The following SLC5A6 variants were observed in gnomAD, a reference collection of about 807,000 sequenced individuals.
The protein encoded by SLC5A6 is sodium-dependent multivitamin transporter.
A neutral mutation model predicts 67.9 loss-of-function variants in SLC5A6; 31 were observed. The ratio of observed to expected loss-of-function variants is 0.46; its 90% CI spans 0.34 to 0.62. The LOEUF (loss-of-function observed/expected upper bound fraction) is 0.62. Among genes scored for constraint, SLC5A6 ranks in the 20% least tolerant of loss-of-function variants. The pLI, the probability that SLC5A6 is intolerant of heterozygous loss-of-function variation, is 0.01. For missense variants in SLC5A6, 673 were observed against 812.8 expected (o/e 0.83, Z 2.09); for synonymous variants, 343 against 331.0 (o/e 1.04, Z -0.39).
At chr2:27,212,392 T>C (rs915873588), upstream of SLC5A6, 6 of 1,550,718 alleles carry the variant, frequency 3.9e-6, no homozygotes, top group African/African-American at 5.5e-5. Flanking sequence ...ACCCGGGTAG[T>C]CTTACGACCC....
chr2:27,205,624 C>G (rs1674003748), intron 6 of SLC5A6, 120 bp from the exon 7 acceptor site: 11 of 1,245,252 alleles, frequency 8.8e-6, no homozygotes, highest in Non-Finnish European at 1.3e-5. Flanking sequence ...CTTTTTGCAG[C>G]CTGAAGCCAG....
At chr2:27,210,547 C>T (rs1191457639) in intron 2 of SLC5A6, among the ~76,000 whole-genome samples, 3 of 151,710 alleles carry the variant, frequency 2.0e-5, no homozygotes, top group Non-Finnish European at 4.4e-5. Context: ...TCTTCTGCCT[C>T]AGCCTCCTGA....
Position 27,204,951 on chromosome 2 carries a change from G to C in SLC5A6, c.735-20C>G, listed in dbSNP as rs1325219497. The C allele has an allele frequency of 1.2e-6, 2 of 1,610,376 alleles. No homozygotes were observed. Among genetic ancestry groups the C allele is most frequent in the Non-Finnish European group, 1.7e-6 (2 of 1,179,954 alleles). The stretch of plus-strand genomic sequence containing the variant: ...TCCAGCCTGTAACAGACACCACCCA[G>C]TCATTGTGCAAAGCCTGAGAGACAC... On this transcript the variant is annotated intron_variant, in intron 7 of 16. Transcript: ENST00000310574.
At position 27,202,101 on chromosome 2, in the gene SLC5A6, G is replaced by T. The variant is rs778749180; in HGVS notation, c.1276-27C>A. The T allele has an allele frequency of 1.7e-5, 26 of 1,550,848 alleles. No homozygotes were observed. The East Asian group carries it at 5.2e-4, about 31-fold the overall frequency. ...TAGGAGGACAGGGTGAGAAGAAAAG[G>T]AAAAAGAACACAGACTCAGAGATGC... On this transcript the variant is annotated intron_variant, in intron 12 of 16. Transcript: ENST00000310574.
rs756897395 is a variant in SLC5A6 at position 27,200,591 on chromosome 2, G to C, written c.1765-12C>G. The C allele has an allele frequency of 1.2e-6, 2 of 1,606,914 alleles. No homozygotes were observed. Among genetic ancestry groups the C allele is most frequent in the South Asian group, 2.2e-5 (2 of 90,202 alleles). On this transcript the variant is annotated splice_polypyrimidine_tract_variant and intron_variant, in intron 16 of 16. Transcript: ENST00000310574. Reference sequence around the variant, plus strand: ...GTGTCGAGGTGGTCCTGCAAACACAGAGCCAAAGGGGTGGAACTGGTGAAG... The same window carrying C: ...GTGTCGAGGTGGTCCTGCAAACACACAGCCAAAGGGGTGGAACTGGTGAAG...
chr2:27,201,893 C>A, intron 13 of SLC5A6, 46 bp from the exon 14 acceptor site: 1 of 1,610,234 alleles, frequency 6.2e-7, no homozygotes, highest in South Asian at 1.1e-5. Context: ...GTCCTGCCAG[C>A]CCTCACGGCA....
chr2:27,203,796 G>A lies in SLC5A6; in HGVS notation c.1077C>T (p.Leu359=). 1.2e-6 allele frequency: 2 copies of A among 1,613,860 alleles called. No homozygotes were observed. The highest frequency in any genetic ancestry group is 1.7e-6 in the Non-Finnish European group (2 of 1,179,752). The part of the protein sequence containing the change: ...PGLPGLFIAC[L]FSGSLSTISS... ...GTGGGTACCTGAGAGAGCCGCTGAAGAGGCAGGCAATGAAGAGCCCTGGCA... is the reference window on the plus strand; with the variant it reads ...GTGGGTACCTGAGAGAGCCGCTGAAAAGGCAGGCAATGAAGAGCCCTGGCA... The change falls in exon 10 of 17, where the codon CTC becomes CTT. Residue 359 remains leucine (L), a synonymous_variant. Coordinates refer to ENST00000310574, the MANE Select transcript of SLC5A6 (RefSeq NM_021095.4).
rs763654264 is a variant in SLC5A6, at chr2:27,202,079, G to A, written c.1276-5C>T. The A allele has an allele frequency of 9.3e-6, 15 of 1,609,632 alleles. No homozygotes were observed. Among genetic ancestry groups the A allele is most frequent in the African/African-American group, 8.0e-5 (6 of 74,810 alleles). ...GCCAAAGATGCTGATTGCTGCCTAG[G>A]AGGACAGGGTGAGAAGAAAAGGAAA... On this transcript the variant is annotated splice_polypyrimidine_tract_variant and splice_region_variant and intron_variant, in intron 12 of 16. Coordinates refer to ENST00000310574, the MANE Select transcript of SLC5A6 (RefSeq NM_021095.4).
At position 27,201,406 on chromosome 2, in the gene SLC5A6, C is replaced by T; in HGVS notation, c.1592G>A (p.Ser531Asn). ...RFYSLSYLWYSAHNSTTVIVV... is the reference protein window; with the variant it reads ...RFYSLSYLWYNAHNSTTVIVV... ...AATCACTGTGGTGGAGTTGTGAGCA[C>T]TGTACCATAAGTAAGACAAGGAATA... The change falls in exon 15 of 17, where the codon AGT (serine) becomes AAT (asparagine). Residue 531 changes from serine (S) to asparagine (N), a missense_variant. By Grantham distance (46) the Ser-to-Asn change is conservative (BLOSUM62 1). Transcript: ENST00000310574. The T allele has an allele frequency of 6.2e-7, 1 of 1,613,790 alleles. No individual in the cohort carries two copies. Among genetic ancestry groups the T allele is most frequent in the Non-Finnish European group, 8.5e-7 (1 of 1,179,698 alleles).
In SLC5A6 at chr2:27,201,789, C is replaced by T; in HGVS notation, c.1421G>A (p.Ser474Asn). ...GCTGGAGCCCATGCTGGTCACGATGCTCCCGATGCCAATCCAGAAGGCCAT... is the reference window on the plus strand; with the variant it reads ...GCTGGAGCCCATGCTGGTCACGATGTTCCCGATGCCAATCCAGAAGGCCAT... ...LVMAFWIGIG[S>N]IVTSMGSSMP... The change falls in exon 14 of 17, where the codon AGC (serine) becomes AAC (asparagine). Residue 474 changes from serine to asparagine, a missense_variant. Ser to Asn is a conservative substitution (Grantham distance 46, BLOSUM62 1). Coordinates refer to ENST00000310574, the MANE Select transcript of SLC5A6 (RefSeq NM_021095.4). The T allele has an allele frequency of 1.2e-6, 2 of 1,614,174 alleles. No homozygotes were observed. The highest frequency in any genetic ancestry group is 2.2e-5 in the East Asian group (1 of 44,876).
In SLC5A6 at chr2:27,211,458, C is replaced by T. The variant is rs1674498253; in HGVS notation, c.-141+9G>A. 2.0e-5 allele frequency: 3 copies of T among 152,390 alleles called. No homozygotes were observed. The South Asian group carries it at 6.2e-4, about 32-fold the overall frequency. 9.4% of individuals were successfully genotyped at this position (152,390 alleles called of 1,614,324 possible). On this transcript the variant is annotated intron_variant, in intron 2 of 16. Transcript: ENST00000310574. The stretch of plus-strand genomic sequence containing the variant: ...TGGCCCACCCTGGGGCAGCAACGCA[C>T]TCCCTTACCTCCGTGGTTCAGTCAG...
chr2:27,206,133 G>A, intron 5 of SLC5A6, 40 bp from the exon 6 acceptor site: 2 of 1,583,578 alleles, frequency 1.3e-6, no homozygotes, highest in Non-Finnish European at 1.7e-6. Flanking sequence ...CTGGAAAAGG[G>A]TTCCCCAGGG....
At chr2:27,211,221 A>G (rs1674469943) in intron 2 of SLC5A6, among the ~76,000 whole-genome samples, 2 of 152,180 alleles carry the variant, frequency 1.3e-5, no homozygotes, top group Non-Finnish European at 2.9e-5. Flanking sequence ...AAATGCTAAT[A>G]GCTACTAACA....
Position 27,201,720 on chromosome 2 carries a change from G to A in SLC5A6, c.1490C>T (p.Thr497Ile), listed in dbSNP as rs1390076414. The change falls in exon 14 of 17, where the codon ACC becomes ATC. Residue 497 changes from threonine to isoleucine, a missense_variant. Coordinates refer to ENST00000310574, the MANE Select transcript of SLC5A6 (RefSeq NM_021095.4). The part of the protein sequence containing the change: ...PSNGSSFSLP[T>I]NLTVATVTTL... ...GGTCACAGTGGCAACGGTTAGATTG[G>A]TGGGCAGGGAGAAGCTGGACCCATT... 3 of 1,614,174 alleles carry A rather than the reference G, an allele frequency of 1.9e-6. No individual in the cohort carries two copies. Among genetic ancestry groups the A allele is most frequent in the Middle Eastern group, 1.6e-4 (1 of 6,062 alleles).
rs911117914 is a variant in SLC5A6, at chr2:27,207,758, C to T, written c.-108G>A. ...TGGCTTCCAGCCACAGTCTCACAGT[C>T]TTCCTCCACGGAGTGATACTGTCCA... On this transcript the variant is annotated 5_prime_UTR_variant, in exon 3 of 17. Coordinates refer to ENST00000310574, the MANE Select transcript of SLC5A6 (RefSeq NM_021095.4). The surrounding 1 kb of genome is among the most constrained non-coding windows in gnomAD (Gnocchi z 5.5). 5 of 1,041,122 alleles carry T rather than the reference C, an allele frequency of 4.8e-6. No homozygotes were observed. The African/African-American group carries it at 7.9e-5, about 16-fold the overall frequency. 64.5% of individuals were successfully genotyped at this position (1,041,122 alleles called of 1,614,324 possible). A position where few individuals can be genotyped will look rare whatever the true frequency, so the allele number is the denominator to read the frequency against.
intron 6 of SLC5A6, 120 bp downstream of exon 6, chr2:27,205,906 C>A (rs573179332): frequency 1.3e-6 from 1 of 764,570 alleles, no homozygotes; most frequent in Admixed American, 2.5e-5. Context: ...CTTACCACCC[C>A]AGAATTTCAC....
In SLC5A6 at chr2:27,207,080, T is replaced by C; in HGVS notation, c.394-138A>G. 3 of 1,012,030 alleles carry C rather than the reference T, an allele frequency of 3.0e-6. No homozygotes were observed. The highest frequency in any genetic ancestry group is 4.6e-6 in the Non-Finnish European group (3 of 646,608). The allele number at this position is 1,012,030 out of a possible 1,614,324, so 62.7% of individuals were successfully genotyped here. A position where few individuals can be genotyped will look rare whatever the true frequency, so the allele number is the denominator to read the frequency against. ...AGTCCTACTCGGCATAGCACCCTCC[T>C]CTCCAATCCTGCCCCTATACCTAAC... On this transcript the variant is annotated intron_variant, in intron 3 of 16. Transcript: ENST00000310574. The surrounding 1 kb of genome is among the most constrained non-coding windows in gnomAD (Gnocchi z 5.5).
upstream of SLC5A6, chr2:27,212,316 G>C: frequency 6.5e-7 from 1 of 1,549,174 alleles, no homozygotes; most frequent in Non-Finnish European, 8.7e-7. Flanking sequence ...GCGCTGCGGG[G>C]CGGGGCCGCG....
rs557136272 is a variant in SLC5A6, at chr2:27,200,857, C to T, written c.1764+141G>A. 125 of 638,338 alleles carry T rather than the reference C, an allele frequency of 2.0e-4. No homozygotes were observed. In the South Asian group the frequency reaches 2.2e-3, roughly 11 times the overall value. The allele number at this position is 638,338 out of a possible 1,614,324, so 39.5% of individuals were successfully genotyped here. On this transcript the variant is annotated intron_variant, in intron 16 of 16. Coordinates refer to ENST00000310574, the MANE Select transcript of SLC5A6 (RefSeq NM_021095.4). ...TCCTGTGGGTAGAACCTGAGACAGC[C>T]GTGTGGGACAGCCTAGGCTTAGCTG...
Sources: gnomAD v4.1 joint callset for allele counts (sites outside exome capture counted in the v4.1 genomes callset) on GRCh38, gnomAD v4.1.1 for gene constraint, Gnocchi (gnomAD v3.1) non-coding constraint, MANE v1.5 for transcripts, NCBI Gene and HGNC (gene_info 2026-07-23, HGNC 2026-07-21) for gene names.